Variants in RAB40A observed in about 807,000 individuals in gnomAD.
RAB40A encodes the protein ras-related protein Rab-40A.
For synonymous variants in RAB40A, 65 were observed against 99.9 expected (o/e 0.65, Z 2.08); for missense variants, 145 against 230.2 (o/e 0.63, Z 2.40).
downstream of RAB40A, among the ~76,000 whole-genome samples, chrX:103,496,081 T>C (rs1284483039): frequency 8.9e-6 from 1 of 112,162 alleles, no homozygotes; most frequent in Non-Finnish European, 1.9e-5. Flanking sequence ...GTTAAGGTAC[T>C]GTTTGCCAAA....
At chrX:103,494,882 A>G (rs774849026), downstream of RAB40A, among the ~76,000 whole-genome samples, 1 of 111,584 alleles carries the variant, frequency 9.0e-6, no homozygotes, top group South Asian at 3.7e-4. Context: ...TTTGCTCAAG[A>G]TAGCTTTGGG....
In RAB40A at chrX:103,499,855, T is replaced by C. The variant is rs765128984; in HGVS notation, c.*68A>G. ...AATTTCTTGAATCTACAATGCGACT[T>C]CCATCTTCCAGGTGTAACCAGAGTT... On this transcript the variant is annotated 3_prime_UTR_variant, in exon 3 of 3. Transcript: ENST00000304236. 4.3e-6 allele frequency: 5 copies of C among 1,152,627 alleles called. No homozygotes were observed. In the South Asian group the frequency reaches 9.0e-5, roughly 21 times the overall value. 95.0% of individuals were successfully genotyped at this position (1,152,627 alleles called of 1,213,427 possible).
intron 2 of RAB40A, among the ~76,000 whole-genome samples, chrX:103,503,811 G>C (rs1200389061): frequency 8.9e-6 from 1 of 111,895 alleles, no homozygotes; most frequent in Non-Finnish European, 1.9e-5. Flanking sequence ...TGCATTAAAG[G>C]TAAAGCTGCA....
downstream of RAB40A, among the ~76,000 whole-genome samples, chrX:103,494,282 A>G (rs1004246763): frequency 8.9e-6 from 1 of 111,922 alleles, no homozygotes; most frequent in African/African-American, 3.2e-5. Flanking sequence ...TAATCAGTTT[A>G]GTTATTTTTG....
chrX:103,493,548 C>T, the RAB40A span, among the ~76,000 whole-genome samples: 1 of 111,352 alleles, frequency 9.0e-6, no homozygotes, highest in African/African-American at 3.3e-5. Flanking sequence ...TTTTTTTATA[C>T]TCATTAACCA....
chrX:103,502,245 A>T (rs2073232180), intron 2 of RAB40A: 1 of 109,738 alleles, frequency 9.1e-6, no homozygotes, highest in Non-Finnish European at 1.9e-5. Flanking sequence ...CAGGGCAAAT[A>T]GAGAAAAAAA....
At chrX:103,515,185 T>C (rs1016310064) in intron 2 of RAB40A, among the ~76,000 whole-genome samples, 8 of 112,638 alleles carry the variant, frequency 7.1e-5, no homozygotes, top group African/African-American at 2.6e-4. Flanking sequence ...CAGTCTGTTG[T>C]ACAGAATACT....
At chrX:103,516,913 AATC>A (rs1330963303) in intron 2 of RAB40A, among the ~76,000 whole-genome samples, 12 of 111,692 alleles carry the variant, frequency 1.1e-4, no homozygotes, top group Non-Finnish European at 1.5e-4. Context: ...TATAAGATAT[AATC>A]TAACTTTGCT....
At chrX:103,512,411 T>C (rs1176744697) in intron 2 of RAB40A, among the ~76,000 whole-genome samples, 4 of 110,794 alleles carry the variant, frequency 3.6e-5, no homozygotes, top group Admixed American at 1.9e-4. Flanking sequence ...CCACACAGCC[T>C]GTGTTCAAAT....
At chrX:103,508,309 G>C (rs2073267677) in intron 2 of RAB40A, among the ~76,000 whole-genome samples, 1 of 111,601 alleles carries the variant, frequency 9.0e-6, no homozygotes, top group Admixed American at 9.5e-5. Flanking sequence ...GAGGTGCTCA[G>C]GGTCTCCTAG....
chrX:103,499,909 T>G lies in RAB40A; in HGVS notation c.*14A>C. ...CCTGGAGCGATTCCAGCTTGTTTCC[T>G]TTTGGTGCCTTCCTTAAGAAATTTT... is the stretch of plus-strand genomic sequence containing the variant. On this transcript the variant is annotated 3_prime_UTR_variant, in exon 3 of 3. Coordinates refer to ENST00000304236, the MANE Select transcript of RAB40A (RefSeq NM_080879.3). 1 of 1,209,228 alleles carries G rather than the reference T, an allele frequency of 8.3e-7. No individual in the cohort carries two copies. Among genetic ancestry groups the G allele is most frequent in the Non-Finnish European group, 1.1e-6 (1 of 892,891 alleles).
chrX:103,504,683 G>A (rs1178052260), intron 2 of RAB40A, among the ~76,000 whole-genome samples: 1 of 110,417 alleles, frequency 9.1e-6, no homozygotes, highest in African/African-American at 3.3e-5. Flanking sequence ...CACCACACCC[G>A]ACTAATTATT....
chrX:103,503,589 G>T lies in RAB40A; in HGVS notation c.-70-2763C>A, dbSNP rs745728170. 4.4e-5 allele frequency: 22 copies of T among 502,327 alleles called. No homozygotes were observed. The East Asian group carries it at 3.5e-3, about 80-fold the overall frequency. 41.4% of individuals were successfully genotyped at this position (502,327 alleles called of 1,213,427 possible). ...TCCTCCTTTAAAAAAAAAAAAAATG[G>T]AGATAGCTGTGATGCCTCCTGATGG... On this transcript the variant is annotated intron_variant, in intron 2 of 2. Coordinates refer to ENST00000304236, the MANE Select transcript of RAB40A (RefSeq NM_080879.3).
intron 2 of RAB40A, chrX:103,501,725 A>G (rs2073228949): frequency 8.1e-6 from 1 of 123,952 alleles, no homozygotes; most frequent in Non-Finnish European, 1.9e-5. Flanking sequence ...TAGCTCACTA[A>G]TACATTAAAG....
intron 2 of RAB40A, among the ~76,000 whole-genome samples, chrX:103,509,193 G>A (rs930448616): frequency 9.6e-4 from 107 of 111,201 alleles, no homozygotes; most frequent in African/African-American, 3.4e-3. Context: ...GAGATGAGAC[G>A]ACTTCTTCAC....
chrX:103,502,866 T>C, intron 2 of RAB40A: 1 of 764,261 alleles, frequency 1.3e-6, no homozygotes, highest in African/African-American at 2.3e-5. Context: ...AGAAAACCTG[T>C]TGAGAGTATA....
chrX:103,508,961 C>T (rs1024475108), intron 2 of RAB40A, among the ~76,000 whole-genome samples: 1 of 112,246 alleles, frequency 8.9e-6, no homozygotes, highest in Non-Finnish European at 1.9e-5. Context: ...TCAGCTACAT[C>T]ACATCAAAAT....
chrX:103,498,914 G>A (rs1395713489), downstream of RAB40A, among the ~76,000 whole-genome samples: 1 of 112,013 alleles, frequency 8.9e-6, no homozygotes, highest in Non-Finnish European at 1.9e-5. Context: ...GGTCTCAGAA[G>A]TGCTTTCCCA....
At chrX:103,508,273 GC>G (rs1358348421) in intron 2 of RAB40A, among the ~76,000 whole-genome samples, 2 of 111,349 alleles carry the variant, frequency 1.8e-5, no homozygotes, top group African/African-American at 6.6e-5. Context: ...CATTTCTCAA[GC>G]CCTGGAAGCC....
Sources: allele counts gnomAD v4.1 joint callset (sites outside exome capture counted in the v4.1 genomes callset), GRCh38; gene constraint gnomAD v4.1.1; transcripts MANE v1.5; gene names NCBI Gene and HGNC (gene_info 2026-07-23, HGNC 2026-07-21).